The following CUX2 variants were observed in gnomAD, a reference collection of about 807,000 sequenced individuals.
CUX2 encodes the protein cut like homeobox 2.
A neutral mutation model predicts 144.8 loss-of-function variants in CUX2; 40 were observed. The observed-to-expected ratio is 0.28, with a 90% CI of 0.21 to 0.36. The LOEUF (loss-of-function observed/expected upper bound fraction) is 0.36. Ranked by LOEUF, CUX2 falls within the 10% of genes least tolerant of loss-of-function variation. The pLI is 1.00. For missense variants in CUX2, 1,615 were observed against 1,994.0 expected, an observed-to-expected ratio of 0.81 and a Z score of 3.62; for synonymous variants, 827 against 875.6, an observed-to-expected ratio of 0.94 and a Z score of 0.98.
At chr12:111,267,204 AAAAAAAAAAAAAAG>A (rs1884430619) in intron 4 of CUX2, among the ~76,000 whole-genome samples, 1 of 149,182 alleles carries the variant, frequency 6.7e-6, no homozygotes, top group African/African-American at 2.5e-5. Context: ...TCAAAAAAAA[AAAAAAAAAAAAAAG>A]AAAGAAAGGG....
chr12:111,226,093 G>A (rs1050571015), intron 3 of CUX2, among the ~76,000 whole-genome samples: 11 of 152,178 alleles, frequency 7.2e-5, no homozygotes, highest in East Asian at 1.9e-4. Context: ...ACAGGCGTGC[G>A]CCACCACACC....
intron 4 of CUX2, among the ~76,000 whole-genome samples, chr12:111,280,457 A>G (rs12300943): frequency 3.7e-4 from 57 of 152,280 alleles, no homozygotes; most frequent in African/African-American, 1.3e-3. Context: ...GCATGGCCCT[A>G]CTGACACCTG....
intron 2 of CUX2, among the ~76,000 whole-genome samples, chr12:111,216,266 G>A (rs1881524853): frequency 3.3e-5 from 5 of 152,206 alleles, no homozygotes; most frequent in Admixed American, 3.3e-4. Context: ...CCATTCACTT[G>A]CTGTGTGACC....
intron 18 of CUX2, among the ~76,000 whole-genome samples, chr12:111,324,032 G>A (rs1887657480): frequency 6.6e-6 from 1 of 151,984 alleles, no homozygotes. Flanking sequence ...GGGCAAGTGA[G>A]ACCATCTCTA....
intron 4 of CUX2, among the ~76,000 whole-genome samples, chr12:111,269,826 A>G (rs1445686974): frequency 6.6e-6 from 1 of 152,110 alleles, no homozygotes; most frequent in East Asian, 1.9e-4. Context: ...CAGGAAGGTC[A>G]TTCCAAGCCC....
chr12:111,158,387 C>A (rs147228376), intron 1 of CUX2, among the ~76,000 whole-genome samples: 1 of 150,592 alleles, frequency 6.6e-6, no homozygotes, highest in Non-Finnish European at 1.5e-5. Context: ...GTGGGAGGAT[C>A]TCTTGAAGCC....
At chr12:111,282,612 G>A (rs1264697017) in intron 4 of CUX2, among the ~76,000 whole-genome samples, 14 of 138,894 alleles carry the variant, frequency 1.0e-4, no homozygotes, top group African/African-American at 2.9e-4. Flanking sequence ...GGCAACAAGC[G>A]TGAAACTCCA....
At chr12:111,332,034 A>G (rs913092962) in intron 18 of CUX2, among the ~76,000 whole-genome samples, 1 of 151,582 alleles carries the variant, frequency 6.6e-6, no homozygotes, top group Non-Finnish European at 1.5e-5. Context: ...CGCCAAGATC[A>G]TGCCACTGCA....
intron 2 of CUX2, among the ~76,000 whole-genome samples, chr12:111,216,538 G>C (rs1279704297): frequency 6.6e-6 from 1 of 152,218 alleles, no homozygotes; most frequent in South Asian, 2.1e-4. Flanking sequence ...GTGCAACCCA[G>C]AGGTTCCGTG....
intron 1 of CUX2, among the ~76,000 whole-genome samples, chr12:111,183,771 G>T (rs1879341890): frequency 6.6e-6 from 1 of 152,098 alleles, no homozygotes; most frequent in Non-Finnish European, 1.5e-5. Context: ...CGTTCTGTTT[G>T]GTGGCAGTAA....
intron 8 of CUX2, 130 bp from the exon 9 acceptor site, chr12:111,298,411 C>A: frequency 2.3e-6 from 2 of 887,568 alleles, no homozygotes; most frequent in Non-Finnish European, 3.4e-6. Context: ...TTCTCCCCAG[C>A]CCGATTTCTC....
chr12:111,198,162 G>A (rs1880356298), intron 1 of CUX2, among the ~76,000 whole-genome samples: 1 of 152,136 alleles, frequency 6.6e-6, no homozygotes, highest in Non-Finnish European at 1.5e-5. Context: ...AACTTGGTGA[G>A]GTGAATATTC....
intron 3 of CUX2, among the ~76,000 whole-genome samples, chr12:111,224,745 T>G (rs1785718860): frequency 6.6e-6 from 1 of 151,992 alleles, no homozygotes; most frequent in African/African-American, 2.4e-5. Context: ...GCAGTGGCCT[T>G]GCTGGCCGGT....
chr12:111,198,296 C>G (rs536795405), intron 1 of CUX2, among the ~76,000 whole-genome samples: 1 of 151,940 alleles, frequency 6.6e-6, no homozygotes, highest in African/African-American at 2.4e-5. Context: ...GCTAACATGG[C>G]AAAACCCCAT....
At chr12:111,244,215 G>A (rs1883165107) in intron 3 of CUX2, among the ~76,000 whole-genome samples, 1 of 152,134 alleles carries the variant, frequency 6.6e-6, no homozygotes, top group African/African-American at 2.4e-5. Flanking sequence ...GTGCTGTAGG[G>A]TGAACCCAGA....
chr12:111,142,083 C>CA (rs973934792), intron 1 of CUX2, among the ~76,000 whole-genome samples: 20 of 151,168 alleles, frequency 1.3e-4, no homozygotes, highest in African/African-American at 3.9e-4. Context: ...GACTCCATCT[C>CA]AAAAAAAAGG....
Position 111,039,270 on chromosome 12 carries a change from C to T in CUX2, c.63+5030C>T, listed in dbSNP as rs956742695. Among the ~76,000 whole-genome samples, 1 of 152,000 alleles carries T rather than the reference C, an allele frequency of 6.6e-6. No homozygotes were observed. The highest frequency in any genetic ancestry group is 2.4e-5 in the African/African-American group (1 of 41,394). On this transcript the variant is annotated intron_variant, in intron 1 of 21. Coordinates refer to ENST00000261726, the MANE Select transcript of CUX2 (RefSeq NM_015267.4). This position sits in a 1 kb window ranked among gnomAD's most constrained non-coding sequence, Gnocchi z 4.2. The stretch of plus-strand genomic sequence containing the variant: ...TTCCTGGCCTTGGGATTCAGGGTCC[C>T]ATCTTCTGTTTGATATTTTTCCTCT...
At chr12:111,264,616 G>A (rs969633609) in intron 4 of CUX2, among the ~76,000 whole-genome samples, 3 of 152,128 alleles carry the variant, frequency 2.0e-5, no homozygotes, top group African/African-American at 4.8e-5. Flanking sequence ...GTGGTGGTGG[G>A]CACCTGTAAT....
At chr12:111,043,466 A>G (rs1042589342) in intron 1 of CUX2, among the ~76,000 whole-genome samples, 1 of 152,198 alleles carries the variant, frequency 6.6e-6, no homozygotes, top group South Asian at 2.1e-4. Context: ...GGCCTGTCTC[A>G]TTCTCACTTT....
Sources: allele counts gnomAD v4.1 joint callset (sites outside exome capture counted in the v4.1 genomes callset), GRCh38; gene constraint gnomAD v4.1.1; non-coding constraint Gnocchi (gnomAD v3.1); transcripts MANE v1.5; gene names NCBI Gene and HGNC (gene_info 2026-07-23, HGNC 2026-07-21).